Variants in VWA3A observed in about 807,000 individuals in gnomAD.
The protein encoded by VWA3A is von Willebrand factor A domain containing 3A.
Under a neutral mutation model 160.4 loss-of-function variants are expected in VWA3A, and 134 were observed. That is an observed-to-expected ratio of 0.84 (90% CI 0.73 to 0.96). The LOEUF is 0.96. Among genes scored for constraint, VWA3A ranks in the 40% least tolerant of loss-of-function variants. VWA3A has a pLI of 0.00. For missense variants in VWA3A, 1,310 were observed against 1,447.9 expected (o/e 0.90, Z 1.55); for synonymous variants, 476 against 543.4 (o/e 0.88, Z 1.72).
intron 11 of VWA3A, among the ~76,000 whole-genome samples, chr16:22,117,707 T>C (rs1437147124): frequency 6.6e-6 from 1 of 152,210 alleles, no homozygotes; most frequent in African/African-American, 2.4e-5. Flanking sequence ...CAAACATGTG[T>C]GTAGATCCAT....
intron 1 of VWA3A, among the ~76,000 whole-genome samples, chr16:22,094,196 G>A (rs2045280178): frequency 6.6e-6 from 1 of 152,154 alleles, no homozygotes; most frequent in African/African-American, 2.4e-5. Flanking sequence ...ATTAAGAGCT[G>A]TTAATCACTG....
chr16:22,109,837 A>G (rs1391940502), intron 7 of VWA3A, among the ~76,000 whole-genome samples: 1 of 152,232 alleles, frequency 6.6e-6, no homozygotes, highest in African/African-American at 2.4e-5. Flanking sequence ...TCTTTGACTC[A>G]AGAGCTCCCA....
rs2045706026 is a variant in VWA3A at position 22,119,983 on chromosome 16, A to C, written c.1116+956A>C. On this transcript the variant is annotated intron_variant, in intron 12 of 33. Coordinates refer to ENST00000389398, the MANE Select transcript of VWA3A (RefSeq NM_173615.5). The stretch of plus-strand genomic sequence containing the variant: ...CAGTGAGCCTAGATAGTCCCACTGC[A>C]CTCCATCTTGGGTAACAGAACAAGA... Among the ~76,000 whole-genome samples, 4 of 151,322 alleles carry C rather than the reference A, an allele frequency of 2.6e-5. No homozygotes were observed. The South Asian group carries it at 8.4e-4, about 32-fold the overall frequency.
chr16:22,126,278 G>C lies in VWA3A; in HGVS notation c.1633G>C (p.Asp545His), dbSNP rs1259342140. ...GCTGGAGGAGCAGTTATCCAACAAG[G>C]ACTGTTTCAACCTCATCGCGTATGT... ...LLLEEQLSNK[D>H]CFNLIAFGST... The change falls in exon 17 of 34, where the codon GAC becomes CAC. Residue 545 changes from aspartate to histidine, a missense_variant. Asp to His is a moderately conservative substitution (Grantham distance 81). Coordinates refer to ENST00000389398, the MANE Select transcript of VWA3A (RefSeq NM_173615.5). The C allele has an allele frequency of 1.2e-6, 2 of 1,613,756 alleles. No homozygotes were observed. Among genetic ancestry groups the C allele is most frequent in the African/African-American group, 1.3e-5 (1 of 74,898 alleles).
At chr16:22,133,799 T>C (rs1308829741) in intron 20 of VWA3A, among the ~76,000 whole-genome samples, 4 of 152,106 alleles carry the variant, frequency 2.6e-5, no homozygotes, top group East Asian at 3.9e-4. Flanking sequence ...CTGGGCAACA[T>C]AGCAAGATTC....
At chr16:22,118,769 C>A in intron 11 of VWA3A, 133 bp from the exon 12 acceptor site, 1 of 1,173,992 alleles carries the variant, frequency 8.5e-7, no homozygotes, top group African/African-American at 1.5e-5. Context: ...CACATGGGTC[C>A]CAGTGTATAA....
rs769347551 is a variant in VWA3A at position 22,135,829 on chromosome 16, G to A, written c.2139+1391G>A. 1.1e-3 allele frequency among the ~76,000 whole-genome samples: 173 copies of A among 151,800 alleles called. 1 individual carries two copies. The highest frequency in any genetic ancestry group is 3.4e-4 in the Non-Finnish European group (23 of 67,956). ...TTTTGAGACAGAGTCTCACTCTGTCGCCCAGGCTGGAGTGCCATTGTGCAA... is the reference window on the plus strand; with the variant it reads ...TTTTGAGACAGAGTCTCACTCTGTCACCCAGGCTGGAGTGCCATTGTGCAA... On this transcript the variant is annotated intron_variant, in intron 21 of 33. Transcript: ENST00000389398.
chr16:22,093,173 A>G (rs1333662908), intron 1 of VWA3A, among the ~76,000 whole-genome samples: 1 of 152,110 alleles, frequency 6.6e-6, no homozygotes, highest in African/African-American at 2.4e-5. Flanking sequence ...TTATGCAAAA[A>G]TGTCCTAGCT....
chr16:22,155,525 C>T, intron 31 of VWA3A, 42 bp from the exon 32 acceptor site: 1 of 1,578,492 alleles, frequency 6.3e-7, no homozygotes, highest in Non-Finnish European at 8.7e-7. Context: ...ATTTTCAGCT[C>T]CCATCCAGTC....
Position 22,096,952 on chromosome 16 carries a change from A to C in VWA3A, c.101+7A>C, listed in dbSNP as rs1438562100. On this transcript the variant is annotated splice_region_variant and intron_variant, in intron 2 of 33. Coordinates refer to ENST00000389398, the MANE Select transcript of VWA3A (RefSeq NM_173615.5). ...TGTTTCTGGAAAACCATTGGTAAGCATAGTTCTCTGATTTTTTTTTTTTTT... is the reference window on the plus strand; with the variant it reads ...TGTTTCTGGAAAACCATTGGTAAGCCTAGTTCTCTGATTTTTTTTTTTTTT... 3 of 1,449,054 alleles carry C rather than the reference A, an allele frequency of 2.1e-6. No individual in the cohort carries two copies. The highest frequency in any genetic ancestry group is 1.9e-6 in the Non-Finnish European group (2 of 1,066,832). 89.8% of individuals were successfully genotyped at this position (1,449,054 alleles called of 1,614,324 possible). A position where few individuals can be genotyped will look rare whatever the true frequency, so the allele number is the denominator to read the frequency against.
At chr16:22,130,133 T>C (rs2045923484) in intron 17 of VWA3A, among the ~76,000 whole-genome samples, 1 of 152,082 alleles carries the variant, frequency 6.6e-6, no homozygotes, top group African/African-American at 2.4e-5. Flanking sequence ...CCAACGATAA[T>C]AGGGATATAT....
rs1332644778 is a variant in VWA3A at position 22,121,122 on chromosome 16, C to A, written c.1252+19C>A. ...CTGAAAGGTAAATCTCCAAAGAGGG[C>A]AGAACCCAGGAAACAGGTGACTGAC... is the stretch of plus-strand genomic sequence containing the variant. On this transcript the variant is annotated intron_variant, in intron 13 of 33. Transcript: ENST00000389398. The A allele has an allele frequency of 6.2e-7, 1 of 1,613,728 alleles. No homozygotes were observed. Among genetic ancestry groups the A allele is most frequent in the African/African-American group, 1.3e-5 (1 of 75,000 alleles).
rs2045556531 is a variant in VWA3A, at chr16:22,111,837, G to GA, written c.689+844dup. On this transcript the variant is annotated intron_variant, in intron 8 of 33. Coordinates refer to ENST00000389398, the MANE Select transcript of VWA3A (RefSeq NM_173615.5). ...TCGCTATGTTGTCCAGGCTGGTCCT[G>GA]ACCTTCTGGCCTCAAGTGCTCTTCC... 3.3e-5 allele frequency among the ~76,000 whole-genome samples: 5 copies of GA among 152,234 alleles called. No individual in the cohort carries two copies. In the South Asian group the frequency reaches 1.0e-3, roughly 32 times the overall value.
chr16:22,117,053 G>A (rs2045661095), intron 10 of VWA3A, 58 bp from the exon 11 acceptor site: 1 of 1,535,754 alleles, frequency 6.5e-7, no homozygotes, highest in South Asian at 1.2e-5. Flanking sequence ...CAAGGAGAAG[G>A]CTTACTGGAG....
intron 21 of VWA3A, among the ~76,000 whole-genome samples, chr16:22,136,658 G>A (rs2046046515): frequency 6.6e-6 from 1 of 151,882 alleles, no homozygotes; most frequent in Admixed American, 6.6e-5. Flanking sequence ...TTCCTCTGTG[G>A]CCACTGGATC....
chr16:22,130,570 G>T (rs1035803321), intron 17 of VWA3A, among the ~76,000 whole-genome samples: 1 of 152,106 alleles, frequency 6.6e-6, no homozygotes, highest in Non-Finnish European at 1.5e-5. Context: ...CTGTCTTACA[G>T]GACAAATGAG....
chr16:22,150,844 C>G lies in VWA3A; in HGVS notation c.3279C>G (p.Asp1093Glu), dbSNP rs199893797. 14 of 1,612,548 alleles carry G rather than the reference C, an allele frequency of 8.7e-6. No individual in the cohort carries two copies. The highest frequency in any genetic ancestry group is 1.0e-5 in the Non-Finnish European group (12 of 1,179,400). The stretch of plus-strand genomic sequence containing the variant: ...ACACCATTTCCTTGAACTGCTCAGA[C>G]AGGTGCGCAATATGGAGTCTGACTG... ...KVHTISLNCS[D>E]RAAVEFLRKL... Residue 1093 changes from aspartate to glutamate, a missense_variant and splice_region_variant, in exon 30 of 34, where the codon GAC (aspartate) becomes GAG (glutamate). Asp to Glu is a conservative substitution (Grantham distance 45). Coordinates refer to ENST00000389398, the MANE Select transcript of VWA3A (RefSeq NM_173615.5).
At chr16:22,126,405 T>A in intron 17 of VWA3A, 108 bp downstream of exon 17, 1 of 1,438,606 alleles carries the variant, frequency 7.0e-7, no homozygotes, top group Non-Finnish European at 9.3e-7. Context: ...GACGTCATGG[T>A]CACCCGGCTT....
chr16:22,102,791 T>C (rs1262977761), intron 5 of VWA3A, among the ~76,000 whole-genome samples: 1 of 152,116 alleles, frequency 6.6e-6, no homozygotes, highest in Non-Finnish European at 1.5e-5. Context: ...TCTTCCAACT[T>C]TCTCGTAAGA....
Sources: gnomAD v4.1 joint callset for allele counts (sites outside exome capture counted in the v4.1 genomes callset) on GRCh38, gnomAD v4.1.1 for gene constraint, MANE v1.5 for transcripts, NCBI Gene and HGNC (gene_info 2026-07-23, HGNC 2026-07-21) for gene names.